The following PARVB variants were observed in gnomAD, a reference collection of about 807,000 sequenced individuals.
PARVB encodes parvin beta.
A neutral mutation model predicts 47.0 loss-of-function variants in PARVB; 46 were observed. That is an observed-to-expected ratio of 0.98 (90% CI 0.77 to 1.25). The LOEUF is 1.25. Among genes scored for constraint, PARVB ranks in the 50% most tolerant of loss-of-function variants. PARVB has a pLI of 0.00. For synonymous variants in PARVB, 196 were observed against 196.3 expected, an observed-to-expected ratio of 1.00 and a Z score of 0.01; for missense variants, 473 against 471.6, an observed-to-expected ratio of 1.00 and a Z score of -0.03.
intron 4 of PARVB, among the ~76,000 whole-genome samples, chr22:44,131,054 T>TCCCG: frequency 3.2e-5 from 1 of 31,648 alleles, no homozygotes; most frequent in Non-Finnish European, 6.7e-5. Flanking sequence ...CCTCCCTCCC[T>TCCCG]CCCTCCCTCC....
At chr22:44,073,557 C>T (rs759756066) in intron 1 of PARVB, among the ~76,000 whole-genome samples, 11 of 152,152 alleles carry the variant, frequency 7.2e-5, no homozygotes, top group Non-Finnish European at 1.6e-4. Flanking sequence ...TTAAACGTCT[C>T]GAATACCAAT....
chr22:44,007,512 G>A (rs2050478224), intron 2 of PARVB, among the ~76,000 whole-genome samples: 1 of 152,022 alleles, frequency 6.6e-6, no homozygotes, highest in African/African-American at 2.4e-5. Context: ...TCCCTCCTGC[G>A]CTCCTCAGCG....
chr22:44,128,591 CAT>C (rs1232844067), intron 4 of PARVB, among the ~76,000 whole-genome samples: 1 of 152,230 alleles, frequency 6.6e-6, no homozygotes, highest in African/African-American at 2.4e-5. Context: ...CCACCAAATT[CAT>C]ATTTTCAAGT....
chr22:44,048,517 G>T (rs1215442220), intron 1 of PARVB, among the ~76,000 whole-genome samples: 1 of 151,858 alleles, frequency 6.6e-6, no homozygotes, highest in East Asian at 1.9e-4. Flanking sequence ...GATTACAGGT[G>T]CCCACCACCA....
intron 2 of PARVB, among the ~76,000 whole-genome samples, chr22:44,017,181 C>G (rs771959686): frequency 2.6e-4 from 40 of 152,162 alleles, no homozygotes; most frequent in Non-Finnish European, 4.3e-4. Context: ...GGCCACCTTC[C>G]CCATTTGAGA....
chr22:44,054,990 C>CAAAA (rs3083343), intron 1 of PARVB, among the ~76,000 whole-genome samples: 2 of 70,110 alleles, frequency 2.9e-5, no homozygotes, highest in African/African-American at 6.0e-5. Flanking sequence ...AACTCCATCT[C>CAAAA]AAAAAAAAAA....
intron 12 of PARVB, 126 bp downstream of exon 12, chr22:44,164,056 G>A: frequency 1.6e-6 from 1 of 618,136 alleles, no homozygotes; most frequent in Non-Finnish European, 2.7e-6. Context: ...TGGCTCTGGG[G>A]CAAGGGTCTG....
chr22:44,087,850 T>G (rs2052063191), intron 1 of PARVB, among the ~76,000 whole-genome samples: 1 of 150,954 alleles, frequency 6.6e-6, no homozygotes, highest in East Asian at 1.9e-4. Flanking sequence ...GATGGTGTTT[T>G]TTTTTTTTTT....
At chr22:44,136,202 G>C (rs1341682841) in intron 6 of PARVB, among the ~76,000 whole-genome samples, 1 of 152,128 alleles carries the variant, frequency 6.6e-6, no homozygotes, top group Non-Finnish European at 1.5e-5. Context: ...CCACACAAAT[G>C]CCAACTCTCA....
At chr22:44,118,044 A>G (rs2052951168) in intron 3 of PARVB, among the ~76,000 whole-genome samples, 1 of 152,172 alleles carries the variant, frequency 6.6e-6, no homozygotes, top group South Asian at 2.1e-4. Flanking sequence ...TCTTGTGAAA[A>G]GGCTTAAGAG....
chr22:44,083,139 C>A (rs2051945842), intron 1 of PARVB, among the ~76,000 whole-genome samples: 1 of 152,152 alleles, frequency 6.6e-6, no homozygotes, highest in African/African-American at 2.4e-5. Flanking sequence ...AACACGACTG[C>A]CAGGCTAATG....
intron 2 of PARVB, among the ~76,000 whole-genome samples, chr22:44,007,483 A>T (rs1041595234): frequency 1.3e-5 from 2 of 152,006 alleles, no homozygotes; most frequent in African/African-American, 4.8e-5. Context: ...TGCCTCTGGG[A>T]GCCTCTGGAC....
intron 2 of PARVB, among the ~76,000 whole-genome samples, chr22:44,000,361 C>T (rs1439199045): frequency 6.6e-6 from 1 of 152,228 alleles, no homozygotes; most frequent in Non-Finnish European, 1.5e-5. Flanking sequence ...TGACCTTGAG[C>T]ATGTTCTCAT....
chr22:44,147,470 T>G (rs1035271500), intron 8 of PARVB: 1 of 359,988 alleles, frequency 2.8e-6, no homozygotes, highest in African/African-American at 2.1e-5. Flanking sequence ...GGGAAGTGGT[T>G]GGATTCACAG....
intron 1 of PARVB, among the ~76,000 whole-genome samples, chr22:44,076,199 A>G (rs2051769351): frequency 6.6e-6 from 1 of 152,208 alleles, no homozygotes; most frequent in Admixed American, 6.5e-5. Flanking sequence ...GAGTGGCTCC[A>G]CAGCAGCTGA....
Position 44,170,573 on chromosome 22 carries a change from G to T in PARVB, c.*1895G>T, listed in dbSNP as rs866721948. On this transcript the variant is annotated 3_prime_UTR_variant, in exon 13 of 13. Transcript: ENST00000338758. ...GGAGTCGCTGCTCACTCAGTTATGG[G>T]TTGTTCACCCCCTCGCTCACCCCAG... The T allele has an allele frequency of 2.0e-5, 3 of 152,200 alleles. No individual in the cohort carries two copies. Among genetic ancestry groups the T allele is most frequent in the African/African-American group, 7.2e-5 (3 of 41,426 alleles). The allele number at this position is 152,200 out of a possible 1,614,324, so 9.4% of individuals were successfully genotyped here.
chr22:44,071,375 A>G (rs950874022), intron 1 of PARVB, among the ~76,000 whole-genome samples: 2 of 152,218 alleles, frequency 1.3e-5, no homozygotes, highest in Non-Finnish European at 2.9e-5. Flanking sequence ...CTCAGGATCC[A>G]CTGGGCTTCC....
At chr22:44,035,056 C>G (rs955102591) in intron 1 of PARVB, among the ~76,000 whole-genome samples, 2 of 152,126 alleles carry the variant, frequency 1.3e-5, no homozygotes, top group Non-Finnish European at 2.9e-5. Flanking sequence ...TAGTGATAGC[C>G]TGCTGTTGAC....
Position 44,163,937 on chromosome 22 carries a change from C to A in PARVB, c.1018+7C>A. 1 of 1,605,306 alleles carries A rather than the reference C, an allele frequency of 6.2e-7. No individual in the cohort carries two copies. Among genetic ancestry groups the A allele is most frequent in the Non-Finnish European group, 8.5e-7 (1 of 1,175,232 alleles). On this transcript the variant is annotated splice_region_variant and intron_variant, in intron 12 of 12. Coordinates refer to ENST00000338758, the MANE Select transcript of PARVB (RefSeq NM_013327.5). ...CCCAAGGCTCGTCCTGAAGGTAATG[C>A]CCCTGGCTCAGGTTCCCCCGGGAGA...
Sources: gnomAD v4.1 joint callset for allele counts (sites outside exome capture counted in the v4.1 genomes callset) on GRCh38, gnomAD v4.1.1 for gene constraint, MANE v1.5 for transcripts, NCBI Gene and HGNC (gene_info 2026-07-23, HGNC 2026-07-21) for gene names.